The following SCN3A variants were observed in gnomAD, a reference collection of about 807,000 sequenced individuals.
SCN3A encodes sodium voltage-gated channel alpha subunit 3.
Under a neutral mutation model 187.6 loss-of-function variants are expected in SCN3A, and 60 were observed. That is an observed-to-expected ratio of 0.32 (90% CI 0.26 to 0.40). The LOEUF (loss-of-function observed/expected upper bound fraction) is 0.40. SCN3A is among the 10% of genes least tolerant of loss of function. The pLI, the probability that SCN3A is intolerant of heterozygous loss-of-function variation, is 1.00. For missense variants in SCN3A, 1,601 were observed against 2,428.2 expected (o/e 0.66, Z 7.16); for synonymous variants, 788 against 829.2 (o/e 0.95, Z 0.85).
At chr2:165,165,901 T>A (rs796726432) in intron 5 of SCN3A, among the ~76,000 whole-genome samples, 2 of 152,188 alleles carry the variant, frequency 1.3e-5, no homozygotes, top group African/African-American at 4.8e-5. Flanking sequence ...AAGCAATAAT[T>A]CCTATCTTTA....
intron 1 of SCN3A, among the ~76,000 whole-genome samples, chr2:165,199,377 T>C (rs2105994454): frequency 6.6e-6 from 1 of 152,144 alleles, no homozygotes; most frequent in East Asian, 1.9e-4. Flanking sequence ...ATAAGGTTTC[T>C]CTGAACTAAA....
intron 15 of SCN3A, among the ~76,000 whole-genome samples, chr2:165,133,891 T>C (rs906406526): frequency 6.6e-6 from 1 of 152,184 alleles, no homozygotes; most frequent in African/African-American, 2.4e-5. Context: ...CACATATTAC[T>C]GAAAGTTATT....
intron 10 of SCN3A, among the ~76,000 whole-genome samples, chr2:165,155,468 C>T (rs1251735469): frequency 2.0e-5 from 3 of 151,792 alleles, no homozygotes; most frequent in Non-Finnish European, 2.9e-5. Context: ...GATATGATCT[C>T]GACTCACTGC....
chr2:165,090,107 A>G lies in SCN3A; in HGVS notation c.*43T>C. ...GTTGACACATATACTTTACCTTCAT[A>G]GGCTGTAAACAATTGATCACAAAGA... is the stretch of plus-strand genomic sequence containing the variant. On this transcript the variant is annotated 3_prime_UTR_variant, in exon 28 of 28. Transcript: ENST00000283254. The surrounding 1 kb of genome is among the most constrained non-coding windows in gnomAD (Gnocchi z 4.0). 2 of 1,550,842 alleles carry G rather than the reference A, an allele frequency of 1.3e-6. 1 individual carries two copies.
At chr2:165,113,094 C>A in intron 20 of SCN3A, 36 bp from the exon 21 acceptor site, 1 of 1,524,402 alleles carries the variant, frequency 6.6e-7, no homozygotes, top group East Asian at 2.3e-5. Flanking sequence ...ACTTAAATGG[C>A]TTGCTTCTTC....
intron 15 of SCN3A, among the ~76,000 whole-genome samples, chr2:165,135,608 A>G (rs2105792643): frequency 6.6e-6 from 1 of 152,152 alleles, no homozygotes; most frequent in Admixed American, 6.6e-5. Context: ...TTTCTCTCTC[A>G]CATGCTCTTT....
intron 18 of SCN3A, among the ~76,000 whole-genome samples, chr2:165,126,433 T>G (rs1686990640): frequency 6.6e-6 from 1 of 151,498 alleles, no homozygotes; most frequent in South Asian, 2.1e-4. Flanking sequence ...TTTCTTCCCT[T>G]CCTTCCTTTC....
chr2:165,114,613 T>G (rs1052699647), intron 19 of SCN3A, among the ~76,000 whole-genome samples: 1 of 152,228 alleles, frequency 6.6e-6, no homozygotes, highest in Non-Finnish European at 1.5e-5. Context: ...ATAATAGATA[T>G]TCATTGATTT....
At position 165,139,626 on chromosome 2, in the gene SCN3A, A is replaced by ATGGC; in HGVS notation, c.2020-22_2020-19dup. 6.2e-7 allele frequency: 1 copy of ATGGC among 1,613,618 alleles called. No homozygotes were observed. Among genetic ancestry groups the ATGGC allele is most frequent in the Non-Finnish European group, 8.5e-7 (1 of 1,179,712 alleles). On this transcript the variant is annotated intron_variant, in intron 13 of 27. Coordinates refer to ENST00000283254, the MANE Select transcript of SCN3A (RefSeq NM_006922.4). ...GTGGTGCCCTGCAAACCAAATACTG[A>ATGGC]TGGCTCAAACCACTCTTCCCAATAA...
At chr2:165,107,024 A>ATAAATC (rs1251197953) in intron 21 of SCN3A, among the ~76,000 whole-genome samples, 13 of 152,198 alleles carry the variant, frequency 8.5e-5, no homozygotes, top group Non-Finnish European at 1.9e-4. Context: ...GCTGAAGATG[A>ATAAATC]CATCTGGCCT....
intron 1 of SCN3A, among the ~76,000 whole-genome samples, chr2:165,203,396 C>T (rs2106007531): frequency 6.6e-6 from 1 of 151,960 alleles, no homozygotes; most frequent in Admixed American, 6.6e-5. Flanking sequence ...CTCTCTAAAG[C>T]TGTTAAATAA....
chr2:165,168,274 C>T (rs1200822771), intron 5 of SCN3A, among the ~76,000 whole-genome samples: 2 of 152,028 alleles, frequency 1.3e-5, no homozygotes, highest in Admixed American at 1.3e-4. Context: ...AAAAAACTTA[C>T]ATATCTAAAT....
chr2:165,156,952 C>T (rs900789458), intron 9 of SCN3A, among the ~76,000 whole-genome samples: 3 of 151,960 alleles, frequency 2.0e-5, no homozygotes, highest in African/African-American at 4.8e-5. Context: ...GTTCTGTCGC[C>T]CAAGCTGGAG....
intron 15 of SCN3A, among the ~76,000 whole-genome samples, chr2:165,132,988 TC>T (rs1352631581): frequency 6.6e-6 from 1 of 152,102 alleles, no homozygotes; most frequent in Non-Finnish European, 1.5e-5. Context: ...AACAGACACT[TC>T]TCAAAAGAAG....
intron 21 of SCN3A, among the ~76,000 whole-genome samples, chr2:165,102,691 G>T (rs1409524639): frequency 2.0e-5 from 3 of 152,134 alleles, no homozygotes; most frequent in Non-Finnish European, 4.4e-5. Context: ...TTATTTTAAT[G>T]GACCTCATGG....
intron 3 of SCN3A, among the ~76,000 whole-genome samples, chr2:165,170,822 G>A (rs996220673): frequency 4.6e-5 from 7 of 151,868 alleles, no homozygotes; most frequent in African/African-American, 1.4e-4. Context: ...TGGAATTGTA[G>A]CGTTACAGAT....
chr2:165,136,795 T>C (rs1409827040), intron 15 of SCN3A, among the ~76,000 whole-genome samples: 1 of 152,214 alleles, frequency 6.6e-6, no homozygotes, highest in Non-Finnish European at 1.5e-5. Flanking sequence ...GGTGTTCTAC[T>C]GAGTCAAATA....
intron 12 of SCN3A, among the ~76,000 whole-genome samples, chr2:165,142,765 T>C (rs1421972170): frequency 6.6e-6 from 1 of 151,388 alleles, no homozygotes; most frequent in African/African-American, 2.4e-5. Flanking sequence ...GTTGTTGTTG[T>C]TTTGAGGCAG....
chr2:165,159,419 T>C (rs1689231931), intron 9 of SCN3A, among the ~76,000 whole-genome samples: 1 of 137,766 alleles, frequency 7.3e-6, no homozygotes, highest in Admixed American at 7.6e-5. Context: ...TGCAGTGGTC[T>C]GATCATGGCT....
Sources: allele counts gnomAD v4.1 joint callset (sites outside exome capture counted in the v4.1 genomes callset), GRCh38; gene constraint gnomAD v4.1.1; non-coding constraint Gnocchi (gnomAD v3.1); transcripts MANE v1.5; gene names NCBI Gene and HGNC (gene_info 2026-07-23, HGNC 2026-07-21).